The following ELP4 variants were observed in gnomAD, a reference collection of about 807,000 sequenced individuals.
ELP4 encodes the protein elongator acetyltransferase complex subunit 4, also known as elongator complex protein 4.
ELP4 carries 51 observed loss-of-function variants against 48.9 expected under a neutral mutation model. The ratio of observed to expected loss-of-function variants is 1.04; its 90% CI spans 0.83 to 1.32. The LOEUF (loss-of-function observed/expected upper bound fraction) is 1.32, where lower values mean the gene tolerates loss of function less well. Among genes scored for constraint, ELP4 ranks in the 40% most tolerant of loss-of-function variants. ELP4 has a pLI of 0.00. For synonymous variants in ELP4, 210 were observed against 189.2 expected, an observed-to-expected ratio of 1.11 and a Z score of -0.90; for missense variants, 519 against 514.6, an observed-to-expected ratio of 1.01 and a Z score of -0.08.
At chr11:31,514,631 A>G (rs904992788) in intron 1 of ELP4, among the ~76,000 whole-genome samples, 1 of 152,146 alleles carries the variant, frequency 6.6e-6, no homozygotes, top group Non-Finnish European at 1.5e-5. Context: ...TCTGTAATAC[A>G]TTGTATTGGG....
At chr11:31,567,229 G>A (rs1011105113) in intron 3 of ELP4, among the ~76,000 whole-genome samples, 7 of 151,982 alleles carry the variant, frequency 4.6e-5, no homozygotes, top group Admixed American at 2.0e-4. Flanking sequence ...CACCGCACCC[G>A]GCCTGTAGTA....
chr11:31,675,117 A>G (rs1315736433), intron 9 of ELP4, among the ~76,000 whole-genome samples: 2 of 152,162 alleles, frequency 1.3e-5, no homozygotes, highest in South Asian at 2.1e-4. Flanking sequence ...TCCTTAGCAT[A>G]TACATTCTTA....
chr11:31,785,837 A>G lies in ELP4; in HGVS notation c.*2313A>G, dbSNP rs1948576013. ...ACACCATTTTGATACATTATGAAATATACACTCCATTAACAGATTTTTTTT... is the reference window on the plus strand; with the variant it reads ...ACACCATTTTGATACATTATGAAATGTACACTCCATTAACAGATTTTTTTT... On this transcript the variant is annotated 3_prime_UTR_variant, in exon 10 of 10. Transcript: ENST00000640961. 1 of 196,026 alleles carries G rather than the reference A, an allele frequency of 5.1e-6. No homozygotes were observed. Among genetic ancestry groups the G allele is most frequent in the Non-Finnish European group, 1.1e-5 (1 of 94,450 alleles). The allele number at this position is 196,026 out of a possible 1,614,324, so 12.1% of individuals were successfully genotyped here.
At chr11:31,681,692 A>G (rs1025686607) in intron 9 of ELP4, 4 of 157,244 alleles carry the variant, frequency 2.5e-5, no homozygotes, top group Non-Finnish European at 4.2e-5. Flanking sequence ...CAGTGCATGT[A>G]AAAGAAAACT....
chr11:31,746,801 A>G (rs559299822), intron 9 of ELP4, among the ~76,000 whole-genome samples: 1 of 152,230 alleles, frequency 6.6e-6, no homozygotes, highest in Non-Finnish European at 1.5e-5. Context: ...TGACGAGTTA[A>G]TGGGTGCAGC....
intron 9 of ELP4, among the ~76,000 whole-genome samples, chr11:31,779,562 C>T (rs750442687): frequency 1.5e-4 from 23 of 152,188 alleles, no homozygotes; most frequent in African/African-American, 2.2e-4. Flanking sequence ...CAGCTCTCCT[C>T]GGTACCTCTT....
At chr11:31,682,508 C>T (rs1171786912) in intron 9 of ELP4, among the ~76,000 whole-genome samples, 4 of 152,138 alleles carry the variant, frequency 2.6e-5, no homozygotes, top group African/African-American at 9.7e-5. Context: ...CATAAATTGA[C>T]CTTTTTTTTG....
chr11:31,684,625 AC>A (rs1946124786), intron 9 of ELP4, among the ~76,000 whole-genome samples: 1 of 152,164 alleles, frequency 6.6e-6, no homozygotes, highest in Non-Finnish European at 1.5e-5. Context: ...CCAGAAACAG[AC>A]CCATACGTAT....
chr11:31,603,074 A>G (rs1957811636), intron 4 of ELP4, among the ~76,000 whole-genome samples: 1 of 151,956 alleles, frequency 6.6e-6, no homozygotes, highest in African/African-American at 2.4e-5. Flanking sequence ...ATAATTTGTT[A>G]GAGAAATTGT....
At chr11:31,548,691 CA>C (rs1490075136) in intron 3 of ELP4, among the ~76,000 whole-genome samples, 3 of 151,990 alleles carry the variant, frequency 2.0e-5, no homozygotes, top group African/African-American at 4.8e-5. Context: ...AATCCTAAGC[CA>C]AAAGAACAAA....
chr11:31,686,826 G>A (rs1316779611), intron 9 of ELP4, among the ~76,000 whole-genome samples: 1 of 151,400 alleles, frequency 6.6e-6, no homozygotes, highest in Non-Finnish European at 1.5e-5. Flanking sequence ...CCGAGATCAT[G>A]CCAGTGCACT....
intron 9 of ELP4, among the ~76,000 whole-genome samples, chr11:31,732,600 A>G (rs1947216672): frequency 6.6e-6 from 1 of 152,176 alleles, no homozygotes; most frequent in Admixed American, 6.5e-5. Context: ...TAAACTGCCT[A>G]AGCAAAAGAC....
intron 9 of ELP4, among the ~76,000 whole-genome samples, chr11:31,738,073 T>C (rs1365284121): frequency 1.3e-5 from 2 of 151,926 alleles, no homozygotes; most frequent in Admixed American, 6.6e-5. Context: ...GGTATATATG[T>C]ATAATGAAAT....
intron 9 of ELP4, among the ~76,000 whole-genome samples, chr11:31,682,382 G>A (rs550095050): frequency 2.6e-5 from 4 of 152,222 alleles, no homozygotes; most frequent in East Asian, 3.9e-4. Context: ...GCACTACTTC[G>A]GTCACACTTC....
At chr11:31,741,400 G>C (rs1050742895) in intron 9 of ELP4, among the ~76,000 whole-genome samples, 5 of 152,146 alleles carry the variant, frequency 3.3e-5, no homozygotes, top group African/African-American at 1.2e-4. Context: ...AGAGAGCAGT[G>C]GTTCTCCCAG....
chr11:31,612,963 G>A (rs1958009811), intron 5 of ELP4, among the ~76,000 whole-genome samples: 1 of 152,144 alleles, frequency 6.6e-6, no homozygotes, highest in Admixed American at 6.6e-5. Context: ...CAAATATTGA[G>A]GAAAAGATTC....
intron 3 of ELP4, among the ~76,000 whole-genome samples, chr11:31,581,930 T>A (rs188674471): frequency 6.6e-6 from 1 of 152,234 alleles, no homozygotes; most frequent in Non-Finnish European, 1.5e-5. Context: ...TTCTTTTATT[T>A]TTTTGTAGAG....
At chr11:31,530,615 A>G (rs574938446) in intron 2 of ELP4, among the ~76,000 whole-genome samples, 237 of 152,266 alleles carry the variant, frequency 1.6e-3, no homozygotes, top group African/African-American at 5.6e-3. Flanking sequence ...TTGTATTAAG[A>G]AAAAAATGAT....
At chr11:31,598,503 C>CTTTTTTTTTTTTTT (rs10702222) in intron 4 of ELP4, among the ~76,000 whole-genome samples, 10 of 77,738 alleles carry the variant, frequency 1.3e-4, no homozygotes, top group Non-Finnish European at 1.3e-4. Flanking sequence ...TTTTCTTCTT[C>CTTTTTTTTTTTTTT]TTTTTTTTTT....
Sources: allele counts gnomAD v4.1 joint callset (sites outside exome capture counted in the v4.1 genomes callset), GRCh38; gene constraint gnomAD v4.1.1; transcripts MANE v1.5; gene names NCBI Gene and HGNC (gene_info 2026-07-23, HGNC 2026-07-21).